Variants in BAHCC1 observed in about 807,000 individuals in gnomAD.
The protein encoded by BAHCC1 is BAH domain and coiled-coil containing 1, also known as BAH and coiled-coil domain-containing protein 1.
Under a neutral mutation model 88.2 loss-of-function variants are expected in BAHCC1, and 43 were observed. That is an observed-to-expected ratio of 0.49 (90% CI 0.38 to 0.63). BAHCC1 has a LOEUF of 0.63. Ranked by LOEUF, BAHCC1 falls within the 20% of genes least tolerant of loss-of-function variation. The pLI is 0.00. For missense variants in BAHCC1, 3,023 were observed against 1,654.8 expected, an observed-to-expected ratio of 1.83 and a Z score of -14.34; for synonymous variants, 1,510 against 745.5, an observed-to-expected ratio of 2.03 and a Z score of -16.71.
At chr17:81,446,172 G>A (rs750176074) in intron 10 of BAHCC1, among the ~76,000 whole-genome samples, 18 of 152,216 alleles carry the variant, frequency 1.2e-4, no homozygotes, top group Non-Finnish European at 1.8e-4. Flanking sequence ...CTCTGAGTGG[G>A]ACTGAGAGGT....
intron 26 of BAHCC1, chr17:81,462,483 A>G (rs1331791779): frequency 3.7e-6 from 2 of 544,460 alleles, no homozygotes; most frequent in African/African-American, 1.9e-5. Context: ...TCTTGTCCAC[A>G]TGTCCCTGTC....
chr17:81,433,790 C>T (rs1261353243), intron 3 of BAHCC1, among the ~76,000 whole-genome samples: 4 of 152,202 alleles, frequency 2.6e-5, no homozygotes, highest in Non-Finnish European at 5.9e-5. Flanking sequence ...CCGTCAACTA[C>T]AGCACTTTGT....
chr17:81,453,911 C>G (rs2064695771), intron 14 of BAHCC1, among the ~76,000 whole-genome samples: 1 of 152,252 alleles, frequency 6.6e-6, no homozygotes, highest in African/African-American at 2.4e-5. Context: ...CCAGGGGTGC[C>G]TTGTGGCCCA....
intron 4 of BAHCC1, among the ~76,000 whole-genome samples, chr17:81,441,486 C>T (rs1555652502): frequency 1.3e-5 from 2 of 152,038 alleles, no homozygotes; most frequent in African/African-American, 4.8e-5. Context: ...CATGGTGAAA[C>T]CCCGTCTCTA....
At chr17:81,439,447 C>G (rs782751738) in intron 4 of BAHCC1, among the ~76,000 whole-genome samples, 11 of 151,714 alleles carry the variant, frequency 7.3e-5, no homozygotes, top group Non-Finnish European at 1.3e-4. Context: ...GGAGGGTGCA[C>G]CTGGGGAGCA....
intron 2 of BAHCC1, among the ~76,000 whole-genome samples, chr17:81,404,435 C>G (rs1303171797): frequency 2.0e-5 from 3 of 152,156 alleles, no homozygotes; most frequent in Non-Finnish European, 4.4e-5. Context: ...GATTAGTGGT[C>G]TTGCCCTGGC....
chr17:81,457,292 C>T (rs1216200211), intron 16 of BAHCC1, 118 bp from the exon 17 acceptor site: 5 of 646,486 alleles, frequency 7.7e-6, no homozygotes, highest in East Asian at 2.7e-5. Context: ...CAGAGGGTGA[C>T]GGTGACCAGC....
At chr17:81,459,353 G>C in intron 22 of BAHCC1, 25 bp downstream of exon 22, 1 of 773,308 alleles carries the variant, frequency 1.3e-6, no homozygotes, top group South Asian at 1.4e-5. Flanking sequence ...GGCCCGCCCC[G>C]GGGAGGGGCC....
intron 3 of BAHCC1, among the ~76,000 whole-genome samples, chr17:81,437,979 C>T (rs2064358817): frequency 6.6e-6 from 1 of 152,250 alleles, no homozygotes; most frequent in Non-Finnish European, 1.5e-5. Context: ...AAGTCCGGGC[C>T]TGGTTCTCCT....
chr17:81,449,237 G>A (rs1416506085), intron 11 of BAHCC1, among the ~76,000 whole-genome samples: 1 of 152,156 alleles, frequency 6.6e-6, no homozygotes, highest in Non-Finnish European at 1.5e-5. Flanking sequence ...TGGAGTCAGG[G>A]CCAGCTCTGC....
chr17:81,406,430 C>T (rs1347432113), intron 2 of BAHCC1, among the ~76,000 whole-genome samples: 1 of 152,212 alleles, frequency 6.6e-6, no homozygotes. Context: ...CCATTAACCT[C>T]TGGGACCTCA....
intron 2 of BAHCC1, among the ~76,000 whole-genome samples, chr17:81,425,869 G>C (rs1401298994): frequency 6.7e-6 from 1 of 149,336 alleles, no homozygotes; most frequent in African/African-American, 2.5e-5. Context: ...GTGGTGGTGG[G>C]TGATGTGGTT....
In BAHCC1 at chr17:81,463,718, C is replaced by G. The variant is rs2030502222; in HGVS notation, c.7728C>G (p.Arg2576=). The change falls in exon 28 of 28, where the codon CGC becomes CGG. Residue 2576 remains arginine (R), a synonymous_variant. Transcript: ENST00000675386. ...REQYEQMARS[R]KCQDRQDLYY... ...AGTATGAGCAGATGGCCCGGAGCCG[C>G]AAGTGCCAGGACCGGCAGGACCTCT... 1.3e-6 allele frequency: 1 copy of G among 779,426 alleles called. No individual in the cohort carries two copies. The highest frequency in any genetic ancestry group is 2.4e-6 in the Non-Finnish European group (1 of 417,870). 48.3% of individuals were successfully genotyped at this position (779,426 alleles called of 1,614,324 possible). A position where few individuals can be genotyped will look rare whatever the true frequency, so the allele number is the denominator to read the frequency against.
intron 2 of BAHCC1, among the ~76,000 whole-genome samples, chr17:81,417,152 C>T (rs2064042655): frequency 6.6e-6 from 1 of 152,068 alleles, no homozygotes. Context: ...CTGGGGTGTG[C>T]GTGCGTGTGC....
chr17:81,428,484 G>A lies in BAHCC1; in HGVS notation c.358+1505G>A, dbSNP rs1056158673. On this transcript the variant is annotated intron_variant, in intron 3 of 27. Transcript: ENST00000675386. ...AGATCCACCTAGGACCACTGACTTG[G>A]TTTCCCCTCCTGGCAGTGGTGGCCC... 7.1e-3 allele frequency among the ~76,000 whole-genome samples: 1,086 copies of A among 152,316 alleles called. 10 individuals carry two copies. Among genetic ancestry groups the A allele is most frequent in the African/African-American group, 0.025 (1,027 of 41,574 alleles).
At chr17:81,431,982 G>A (rs1410492371) in intron 3 of BAHCC1, among the ~76,000 whole-genome samples, 2 of 152,312 alleles carry the variant, frequency 1.3e-5, no homozygotes, top group African/African-American at 2.4e-5. Flanking sequence ...TGCGGCATGG[G>A]CCCCTGCTAT....
chr17:81,397,545 C>A (rs1451763713), intron 1 of BAHCC1, among the ~76,000 whole-genome samples: 2 of 152,164 alleles, frequency 1.3e-5, no homozygotes, highest in Non-Finnish European at 2.9e-5. Flanking sequence ...TGACCTCCCT[C>A]CCTTTCCTTC....
intron 2 of BAHCC1, among the ~76,000 whole-genome samples, chr17:81,419,551 G>A (rs1034759575): frequency 3.9e-5 from 6 of 152,208 alleles, no homozygotes; most frequent in Non-Finnish European, 8.8e-5. Context: ...CCGCCTGGGC[G>A]GGCCCTGTGG....
chr17:81,428,362 C>T lies in BAHCC1; in HGVS notation c.358+1383C>T, dbSNP rs953554528. 8.8e-3 allele frequency among the ~76,000 whole-genome samples: 1,337 copies of T among 152,252 alleles called. 14 individuals carry two copies. Among genetic ancestry groups the T allele is most frequent in the African/African-American group, 0.031 (1,275 of 41,536 alleles). On this transcript the variant is annotated intron_variant, in intron 3 of 27. Coordinates refer to ENST00000675386, the MANE Select transcript of BAHCC1 (RefSeq NM_001377448.1). ...GGGAGGGAGGAGGGTGGCCTGGCACCGGGGGAGCAGGAAGGGGAGGCCTGC... is the reference window on the plus strand; with the variant it reads ...GGGAGGGAGGAGGGTGGCCTGGCACTGGGGGAGCAGGAAGGGGAGGCCTGC...
Sources: allele counts gnomAD v4.1 joint callset (sites outside exome capture counted in the v4.1 genomes callset), GRCh38; gene constraint gnomAD v4.1.1; transcripts MANE v1.5; gene names NCBI Gene and HGNC (gene_info 2026-07-23, HGNC 2026-07-21).